Variants in PCGF3 observed in about 807,000 individuals in gnomAD.
PCGF3 encodes polycomb group RING finger protein 3.
In PCGF3, 7 loss-of-function variants were observed where a neutral mutation model predicts 33.1. The ratio of observed to expected loss-of-function variants is 0.21; its 90% CI spans 0.12 to 0.40. The LOEUF (loss-of-function observed/expected upper bound fraction) is 0.40, where lower values mean the gene tolerates loss of function less well. PCGF3 is among the 10% of genes least tolerant of loss of function. The pLI is 1.00. For synonymous variants in PCGF3, 153 were observed against 121.3 expected, an observed-to-expected ratio of 1.26 and a Z score of -1.72; for missense variants, 211 against 313.3, an observed-to-expected ratio of 0.67 and a Z score of 2.46.
exon 11 of PCGF3, chr4:768,553 A>G (rs996534705): frequency 2.0e-5 from 3 of 152,144 alleles, no homozygotes; most frequent in Non-Finnish European, 4.4e-5. Context: ...ATGCTGTTAA[A>G]TCACCTTATG....
chr4:707,154 G>A (rs900421185), intron 1 of PCGF3, among the ~76,000 whole-genome samples: 3 of 150,150 alleles, frequency 2.0e-5, no homozygotes, highest in East Asian at 2.0e-4. Flanking sequence ...ACAGGTCACC[G>A]AGAAGGGCTG....
chr4:724,692 G>T (rs949616396), intron 1 of PCGF3, among the ~76,000 whole-genome samples: 2 of 152,194 alleles, frequency 1.3e-5, no homozygotes, highest in African/African-American at 4.8e-5. Flanking sequence ...TGGGTACTCA[G>T]GAGGCTGAGG....
At chr4:766,298 C>T (rs1388318812) in exon 11 of PCGF3, 2 of 511,526 alleles carry the variant, frequency 3.9e-6, no homozygotes, top group South Asian at 2.4e-5. Flanking sequence ...AGCCGATCGT[C>T]CTCTCCCCCG....
intron 8 of PCGF3, among the ~76,000 whole-genome samples, chr4:752,016 G>A (rs1392180697): frequency 2.0e-5 from 3 of 152,372 alleles, no homozygotes; most frequent in East Asian, 1.9e-4. Context: ...AAAGCGTGTC[G>A]GGTTTATTTA....
At chr4:738,756 G>C (rs1266334853) in intron 6 of PCGF3, among the ~76,000 whole-genome samples, 2 of 152,164 alleles carry the variant, frequency 1.3e-5, no homozygotes, top group Non-Finnish European at 2.9e-5. Context: ...CTACTCAGCA[G>C]GCTGAGGCAG....
exon 11 of PCGF3, chr4:768,109 G>C (rs1162968565): frequency 6.6e-6 from 1 of 152,670 alleles, no homozygotes; most frequent in Non-Finnish European, 1.5e-5. Context: ...CTTTGCAATG[G>C]TGCTAAGCTG....
At chr4:723,027 G>A (rs576206951) in intron 1 of PCGF3, among the ~76,000 whole-genome samples, 12 of 136,832 alleles carry the variant, frequency 8.8e-5, no homozygotes, top group East Asian at 4.4e-4. Flanking sequence ...CGCCATCCAC[G>A]CCGGGTCCAC....
chr4:764,620 A>T, intron 9 of PCGF3: 1 of 195,448 alleles, frequency 5.1e-6, no homozygotes, highest in Non-Finnish European at 1.1e-5. Context: ...CTGTCAAGAG[A>T]AAAAGGGTTC....
In PCGF3 at chr4:735,063, G is replaced by T. The variant is rs141904705; in HGVS notation, c.206+36G>T. ...GCCTTCCCAGGCCACAGTACGTGGG[G>T]TGAGTGCCCCTGGGCGTCTCTGTGT... On this transcript the variant is annotated intron_variant, in intron 5 of 10. Coordinates refer to ENST00000362003, the Ensembl canonical transcript of PCGF3. 4.4e-6 allele frequency: 7 copies of T among 1,598,290 alleles called. No individual in the cohort carries two copies. The South Asian group carries it at 7.9e-5, about 18-fold the overall frequency.
At chr4:742,142 G>A (rs1744121384) in intron 6 of PCGF3, among the ~76,000 whole-genome samples, 1 of 148,602 alleles carries the variant, frequency 6.7e-6, no homozygotes, top group Admixed American at 6.7e-5. Flanking sequence ...CCAGGCTCTC[G>A]GGGTCCCCTC....
At chr4:713,119 T>TG (rs1477963119) in intron 1 of PCGF3, among the ~76,000 whole-genome samples, 6 of 142,994 alleles carry the variant, frequency 4.2e-5, no homozygotes, top group Non-Finnish European at 7.6e-5. Context: ...TGTGGTCTGG[T>TG]GGGGGCTGTG....
intron 8 of PCGF3, among the ~76,000 whole-genome samples, chr4:752,734 G>T (rs1216369996): frequency 6.6e-6 from 1 of 152,226 alleles, no homozygotes; most frequent in Non-Finnish European, 1.5e-5. Flanking sequence ...GGCCCCCGGG[G>T]TCTTCCCACC....
intron 3 of PCGF3, chr4:731,417 G>T: frequency 2.7e-6 from 1 of 372,008 alleles, no homozygotes; most frequent in Non-Finnish European, 4.8e-6. Flanking sequence ...TGGGGCCTCA[G>T]CCCAGTGAGT....
intron 4 of PCGF3, chr4:734,064 C>G: frequency 6.4e-7 from 1 of 1,550,736 alleles, no homozygotes; most frequent in Non-Finnish European, 8.7e-7. Context: ...AGGCCAGTAG[C>G]CGCTGTGACA....
chr4:764,907 C>T, intron 9 of PCGF3, 77 bp from the exon 10 acceptor site: 1 of 964,394 alleles, frequency 1.0e-6, no homozygotes. Context: ...CTGCAGATTT[C>T]ATACCAGCAT....
rs183386104 is a variant in PCGF3 at position 754,001 on chromosome 4, G to A, written c.463-7278G>A. ...CCCAGTGGACTTCAGGGGCGTTCTG[G>A]GTCCTGGCAGGAGTCGCCTCCGTCT... On this transcript the variant is annotated intron_variant, in intron 8 of 10. Transcript: ENST00000362003. Among the ~76,000 whole-genome samples, 6 of 152,318 alleles carry A rather than the reference G, an allele frequency of 3.9e-5. No individual in the cohort carries two copies. In the East Asian group the frequency reaches 1.2e-3, roughly 29 times the overall value.
At chr4:724,189 T>C (rs1743231780) in intron 1 of PCGF3, among the ~76,000 whole-genome samples, 1 of 152,314 alleles carries the variant, frequency 6.6e-6, no homozygotes, top group Middle Eastern at 3.4e-3. Flanking sequence ...CAGGCCCACG[T>C]GGCCTTGGGA....
intron 9 of PCGF3, 139 bp downstream of exon 9, chr4:761,555 T>C (rs977682454): frequency 1.5e-5 from 21 of 1,386,372 alleles, no homozygotes; most frequent in Non-Finnish European, 1.9e-6. Context: ...TTTTGCCTGC[T>C]TCACCGGGGA....
Position 758,368 on chromosome 4 carries a change from C to T in PCGF3, c.463-2911C>T, listed in dbSNP as rs183997536. Among the ~76,000 whole-genome samples, 50 of 145,946 alleles carry T rather than the reference C, an allele frequency of 3.4e-4. 1 individual carries two copies. Among genetic ancestry groups the T allele is most frequent in the Admixed American group, 1.2e-3 (18 of 14,770 alleles). ...TCCGGACTCCAGGTCTTTCTCCCCT[C>T]GAGGCCCCTCTCCGGAGTTCTTCTC... On this transcript the variant is annotated intron_variant, in intron 8 of 10. Coordinates refer to ENST00000362003, the Ensembl canonical transcript of PCGF3.
Sources: gnomAD v4.1 joint callset for allele counts (sites outside exome capture counted in the v4.1 genomes callset) on GRCh38, gnomAD v4.1.1 for gene constraint, MANE v1.5 for transcripts, NCBI Gene and HGNC (gene_info 2026-07-23, HGNC 2026-07-21) for gene names.